The following RPL5 variants were observed in gnomAD, a reference collection of about 807,000 sequenced individuals.
The protein encoded by RPL5 is ribosomal protein L5, also known as large ribosomal subunit protein uL18.
In RPL5, 1 loss-of-function variant was observed where a neutral mutation model predicts 38.4. The observed-to-expected ratio is 0.03, with a 90% confidence interval of 0.01 to 0.12. The LOEUF (loss-of-function observed/expected upper bound fraction) is 0.12, where lower values mean the gene tolerates loss of function less well. Among genes scored for constraint, RPL5 ranks in the 10% least tolerant of loss-of-function variants. RPL5 has a pLI of 1.00. For synonymous variants in RPL5, 109 were observed against 121.2 expected (o/e 0.90, Z 0.66); for missense variants, 243 against 374.1 (o/e 0.65, Z 2.89).
At position 92,836,286 on chromosome 1, in the gene RPL5, G is replaced by T; in HGVS notation, c.421G>T (p.Ala141Ser). Residue 141 changes from alanine to serine, a missense_variant, in exon 5 of 8, where the codon GCC becomes TCC. By Grantham distance (99) the Ala-to-Ser change is moderately conservative. Coordinates refer to ENST00000370321, the MANE Select transcript of RPL5 (RefSeq NM_000969.5). ...GGAAAGCATTGATGGTCAGCCAGGT[G>T]CCTTCACCTGCTATTTGGATGCAGG... ...NVESIDGQPGAFTCYLDAGLA... is the reference protein window; with the variant it reads ...NVESIDGQPGSFTCYLDAGLA... 1 of 1,614,166 alleles carries T rather than the reference G, an allele frequency of 6.2e-7. No homozygotes were observed.
chr1:92,833,531 T>C lies in RPL5; in HGVS notation c.74-14T>C, dbSNP rs1455302605. 2.5e-6 allele frequency: 4 copies of C among 1,612,438 alleles called. No homozygotes were observed. Among genetic ancestry groups the C allele is most frequent in the Admixed American group, 3.3e-5 (2 of 59,996 alleles). ...CAGTGGAGTATCCTTTCTACAATTA[T>C]TTTTTTCTTTCAGAGGGTAAAACTG... On this transcript the variant is annotated splice_polypyrimidine_tract_variant and intron_variant, in intron 2 of 7. Coordinates refer to ENST00000370321, the MANE Select transcript of RPL5 (RefSeq NM_000969.5).
intron 7 of RPL5, 139 bp downstream of exon 7, chr1:92,840,778 A>G (rs917827035): frequency 1.5e-5 from 11 of 757,242 alleles, no homozygotes; most frequent in Non-Finnish European, 2.2e-5. Flanking sequence ...CCAGGTTTGC[A>G]AAAGTAACTG....
At chr1:92,836,787 G>A in intron 5 of RPL5, 1 of 220,878 alleles carries the variant, frequency 4.5e-6, no homozygotes, top group Non-Finnish European at 9.2e-6. Flanking sequence ...TAAGAAGTTT[G>A]AGGAAAAGGC....
At position 92,837,652 on chromosome 1, in the gene RPL5, A is replaced by G. The variant is rs1283222406; in HGVS notation, c.705+19A>G. 1 of 1,603,042 alleles carries G rather than the reference A, an allele frequency of 6.2e-7. No individual in the cohort carries two copies. Among genetic ancestry groups the G allele is most frequent in the African/African-American group, 1.3e-5 (1 of 74,826 alleles). ...AGACATGGTAAAACATTTACCTAAA[A>G]ATGCCTATATTGGTTAATTTATGGA... On this transcript the variant is annotated intron_variant, in intron 6 of 7. Transcript: ENST00000370321.
intron 7 of RPL5, 22 bp downstream of exon 7, chr1:92,840,661 C>A: frequency 6.4e-7 from 1 of 1,571,218 alleles, no homozygotes; most frequent in South Asian, 1.1e-5. Flanking sequence ...TTTTTTTTGT[C>A]TTTTCAAGAA....
At chr1:92,832,634 T>G (rs1415069540) in intron 1 of RPL5, 4 of 307,918 alleles carry the variant, frequency 1.3e-5, no homozygotes, top group African/African-American at 2.1e-5. Context: ...AAATTGTCAG[T>G]GGAGCTTGGA....
At position 92,840,904 on chromosome 1, in the gene RPL5, T is replaced by A. The variant is rs111607814; in HGVS notation, c.794+265T>A. 4,493 of 575,388 alleles carry A rather than the reference T, an allele frequency of 7.8e-3. 155 individuals carry two copies. Among genetic ancestry groups the A allele is most frequent in the African/African-American group, 0.073 (3,951 of 53,938 alleles). The allele number at this position is 575,388 out of a possible 1,614,324, so 35.6% of individuals were successfully genotyped here. A position where few individuals can be genotyped will look rare whatever the true frequency, so the allele number is the denominator to read the frequency against. On this transcript the variant is annotated intron_variant, in intron 7 of 7. Transcript: ENST00000370321. ...TGGCTGACAAGTTGCTTTTTGTTGA[T>A]CTTTCATGTTTTGATCTTTAAATGG...
intron 1 of RPL5, chr1:92,832,843 T>G (rs1686963166): frequency 1.6e-6 from 1 of 607,222 alleles, no homozygotes; most frequent in African/African-American, 1.8e-5. Flanking sequence ...CTTGCCCAGT[T>G]AAGCTTTGTG....
chr1:92,832,164 C>T (rs753789228), intron 1 of RPL5, 47 bp downstream of exon 1: 14 of 1,612,644 alleles, frequency 8.7e-6, no homozygotes, highest in Non-Finnish European at 1.1e-5. Context: ...TGGAGGTTCC[C>T]TTTTCTTGCC....
At chr1:92,832,831 C>G (rs923725162) in intron 1 of RPL5, 2 of 598,228 alleles carry the variant, frequency 3.3e-6, no homozygotes, top group Non-Finnish European at 6.0e-6. Context: ...GCTGAATGTG[C>G]TCTTGCCCAG....
At chr1:92,833,275 C>A in intron 1 of RPL5, 114 bp from the exon 2 acceptor site, 1 of 851,352 alleles carries the variant, frequency 1.2e-6, no homozygotes, top group Non-Finnish European at 1.9e-6. Context: ...CTACAAGTGA[C>A]AGTTGTCTGT....
chr1:92,837,933 T>C (rs926985261), intron 6 of RPL5: 2 of 406,748 alleles, frequency 4.9e-6, no homozygotes, highest in African/African-American at 2.0e-5. Context: ...CTTATTTTGA[T>C]ACCATCTGGG....
Position 92,832,073 on chromosome 1 carries a change from A to T in RPL5, c.-42A>T, listed in dbSNP as rs145634330. 3.1e-6 allele frequency: 5 copies of T among 1,613,520 alleles called. No homozygotes were observed. Among genetic ancestry groups the T allele is most frequent in the Admixed American group, 1.7e-5 (1 of 59,948 alleles). On this transcript the variant is annotated 5_prime_UTR_variant, in exon 1 of 8. Transcript: ENST00000370321. Reference sequence around the variant, plus strand: ...CACCCCCTAGCGCCGCTGGGCCTGCAGGTCTCTGTCGAGCAGCGGACGCCG... The same window carrying T: ...CACCCCCTAGCGCCGCTGGGCCTGCTGGTCTCTGTCGAGCAGCGGACGCCG...
At chr1:92,833,714 G>T in intron 3 of RPL5, 54 bp downstream of exon 3, 1 of 1,382,646 alleles carries the variant, frequency 7.2e-7, no homozygotes, top group Non-Finnish European at 1.0e-6. Flanking sequence ...AATTGTGCTT[G>T]GGAAGCAAAG....
At chr1:92,837,199 A>G (rs1687163541) in intron 5 of RPL5, 1 of 628,762 alleles carries the variant, frequency 1.6e-6, no homozygotes, top group African/African-American at 1.8e-5. Context: ...CTGGATGACT[A>G]ATTTTGTAGT....
intron 6 of RPL5, among the ~76,000 whole-genome samples, chr1:92,838,919 C>T (rs974860391): frequency 6.6e-6 from 1 of 151,834 alleles, no homozygotes; most frequent in Non-Finnish European, 1.5e-5. Context: ...AATCTTTATG[C>T]AAATGCATGT....
chr1:92,832,015 A>G, upstream of RPL5: 1 of 1,571,718 alleles, frequency 6.4e-7, no homozygotes, highest in South Asian at 1.1e-5. Flanking sequence ...CGCGCTACAT[A>G]CTGCGCCTGC....
At chr1:92,837,288 T>A (rs776791785) in intron 5 of RPL5, 168 bp from the exon 6 acceptor site, 27 of 779,814 alleles carry the variant, frequency 3.5e-5, no homozygotes, top group Non-Finnish European at 5.5e-5. Context: ...AGAGATGAGC[T>A]GCTGAATGAT....
intron 6 of RPL5, 91 bp from the exon 7 acceptor site, chr1:92,840,460 T>C: frequency 1.1e-6 from 1 of 924,216 alleles, no homozygotes; most frequent in Non-Finnish European, 1.8e-6. Context: ...TTTGAGAATC[T>C]GGCTTAGAAG....
Sources: allele counts gnomAD v4.1 joint callset (sites outside exome capture counted in the v4.1 genomes callset), GRCh38; gene constraint gnomAD v4.1.1; transcripts MANE v1.5; gene names NCBI Gene and HGNC (gene_info 2026-07-23, HGNC 2026-07-21).